AGAP1: variants seen among roughly 807,000 people sequenced by gnomAD.
AGAP1 encodes the protein ArfGAP with GTPase domain, ankyrin repeat and PH domain 1.
In AGAP1, 29 loss-of-function variants were observed where a neutral mutation model predicts 105.3. The ratio of observed to expected loss-of-function variants is 0.28; its 90% CI spans 0.21 to 0.38. The LOEUF is 0.38. AGAP1 is among the 10% of genes least tolerant of loss of function. The probability of loss-of-function intolerance (pLI) is 1.00; values close to 1 mark genes in which losing one functional copy is unlikely to be tolerated. For synonymous variants in AGAP1, 509 were observed against 485.9 expected (o/e 1.05, Z -0.63); for missense variants, 998 against 1,165.1 (o/e 0.86, Z 2.09).
rs1214977755 is a variant in AGAP1, at chr2:236,040,596, C to G, written c.1801-155C>G. The G allele has an allele frequency of 4.8e-6, 1 of 206,568 alleles. No homozygotes were observed. Among genetic ancestry groups the G allele is most frequent in the East Asian group, 1.7e-4 (1 of 5,856 alleles). The allele number at this position is 206,568 out of a possible 1,614,324, so 12.8% of individuals were successfully genotyped here. A position where few individuals can be genotyped will look rare whatever the true frequency, so the allele number is the denominator to read the frequency against. On this transcript the variant is annotated intron_variant, in intron 14 of 17. Transcript: ENST00000304032. This position sits in a 1 kb window ranked among gnomAD's most constrained non-coding sequence, Gnocchi z 5.6. Reference sequence around the variant, plus strand: ...TGATGATTTCTTCTTCAGTTATGCTCTTTCCCAAAGACATCAAAACAAGAG... The same window carrying G: ...TGATGATTTCTTCTTCAGTTATGCTGTTTCCCAAAGACATCAAAACAAGAG...
Position 235,967,333 on chromosome 2 carries a change from CT to C in AGAP1, c.1484-1128del, listed in dbSNP as rs2054444632. ...CTATTTTAAATGACACCCCCCATCA[CT>C]GCCGCCTCTCCCCAGCCTCCCAGCC... is the stretch of plus-strand genomic sequence containing the variant. On this transcript the variant is annotated intron_variant, in intron 12 of 17. Transcript: ENST00000304032. The surrounding 1 kb of genome is among the most constrained non-coding windows in gnomAD (Gnocchi z 4.7). Among the ~76,000 whole-genome samples the C allele has an allele frequency of 6.6e-6, 1 of 152,220 alleles. No individual in the cohort carries two copies. The highest frequency in any genetic ancestry group is 1.5e-5 in the Non-Finnish European group (1 of 68,050).
intron 1 of AGAP1, among the ~76,000 whole-genome samples, chr2:235,593,211 C>T (rs1945409958): frequency 6.6e-6 from 1 of 152,140 alleles, no homozygotes; most frequent in African/African-American, 2.4e-5. Context: ...TTTTCCTGAG[C>T]CCTCAAGGAG....
At position 235,741,666 on chromosome 2, in the gene AGAP1, A is replaced by G. The variant is rs1260762647; in HGVS notation, c.396+618A>G. Among the ~76,000 whole-genome samples the G allele has an allele frequency of 1.3e-5, 2 of 152,040 alleles. No individual in the cohort carries two copies. The highest frequency in any genetic ancestry group is 2.9e-5 in the Non-Finnish European group (2 of 67,998). On this transcript the variant is annotated intron_variant, in intron 4 of 17. Transcript: ENST00000304032. This position sits in a 1 kb window ranked among gnomAD's most constrained non-coding sequence, Gnocchi z 4.9. ...ATTTAACCTGCTTTGTTTTACTTAC[A>G]GCATAATTTACCAGTTAAGCACTTT...
At chr2:235,869,527 G>C (rs1324340403) in intron 9 of AGAP1, among the ~76,000 whole-genome samples, 1 of 151,606 alleles carries the variant, frequency 6.6e-6, no homozygotes, top group Non-Finnish European at 1.5e-5. Context: ...CTTGAACCCA[G>C]GAGGTGGAGG....
chr2:235,814,646 C>T (rs148848767), intron 9 of AGAP1, among the ~76,000 whole-genome samples: 5 of 152,152 alleles, frequency 3.3e-5, no homozygotes, highest in South Asian at 2.1e-4. Flanking sequence ...ACGGGTGTCA[C>T]GCCAAGGAGT....
At chr2:236,049,516 C>A (rs188276197) in intron 16 of AGAP1, 27 of 456,876 alleles carry the variant, frequency 5.9e-5, no homozygotes, top group South Asian at 5.0e-4. Flanking sequence ...TTCTCTCCCC[C>A]CTCTTAGAAA....
rs114366423 is a variant in AGAP1, at chr2:236,059,338, G to T, written c.2114+10057G>T. 4.6e-3 allele frequency among the ~76,000 whole-genome samples: 707 copies of T among 152,208 alleles called. 6 individuals are homozygous for T. The highest frequency in any genetic ancestry group is 0.016 in the African/African-American group (670 of 41,544). Reference sequence around the variant, plus strand: ...TCGAAAGAAATTAAAGAAGACCTAAGTAAATGAAAAGACATCATGTTCACG... The same window carrying T: ...TCGAAAGAAATTAAAGAAGACCTAATTAAATGAAAAGACATCATGTTCACG... On this transcript the variant is annotated intron_variant, in intron 16 of 17. Transcript: ENST00000304032.
Position 235,883,949 on chromosome 2 carries a change from T to C in AGAP1, c.1155+500T>C, listed in dbSNP as rs1348152091. ...CTCTCCTCTTTGTGTTATATGTAAG[T>C]TTATGTTACATATAAGTTTGTTATA... On this transcript the variant is annotated intron_variant, in intron 10 of 17. Transcript: ENST00000304032. The surrounding 1 kb of genome is among the most constrained non-coding windows in gnomAD (Gnocchi z 4.5). 2.0e-5 allele frequency among the ~76,000 whole-genome samples: 3 copies of C among 152,320 alleles called. No homozygotes were observed. Among genetic ancestry groups the C allele is most frequent in the South Asian group, 2.1e-4 (1 of 4,830 alleles).
intron 1 of AGAP1, among the ~76,000 whole-genome samples, chr2:235,589,856 A>C (rs941550011): frequency 1.3e-5 from 2 of 151,726 alleles, no homozygotes; most frequent in Non-Finnish European, 2.9e-5. Flanking sequence ...CTCTTAGGAA[A>C]GGGTTTGGGA....
At chr2:235,694,154 G>A (rs1449497424) in intron 1 of AGAP1, among the ~76,000 whole-genome samples, 1 of 151,824 alleles carries the variant, frequency 6.6e-6, no homozygotes, top group Admixed American at 6.6e-5. Flanking sequence ...GACCAGCCTG[G>A]CCAACATGGT....
At chr2:236,022,777 C>T (rs184989873) in intron 13 of AGAP1, among the ~76,000 whole-genome samples, 3 of 152,238 alleles carry the variant, frequency 2.0e-5, no homozygotes, top group Non-Finnish European at 2.9e-5. Flanking sequence ...TCAAGGGATC[C>T]GCCCCCACCC....
At chr2:235,495,114 C>T (rs1941257674) in intron 1 of AGAP1, among the ~76,000 whole-genome samples, 1 of 152,162 alleles carries the variant, frequency 6.6e-6, no homozygotes, top group African/African-American at 2.4e-5. Context: ...GAAAGTGGCT[C>T]GGTGCCTCCG....
rs1387679943 is a variant in AGAP1 at position 235,589,189 on chromosome 2, GTTTTGTTTTTTTTTTTTT to G, written c.163+94345_163+94362del. Among the ~76,000 whole-genome samples, 67 of 54,942 alleles carry G rather than the reference GTTTTGTTTTTTTTTTTTT, an allele frequency of 1.2e-3. 2 individuals carry two copies. Among genetic ancestry groups the G allele is most frequent in the South Asian group, 3.1e-3 (5 of 1,592 alleles). The allele number at this position is 54,942 out of a possible 152,430, so 36.0% of individuals were successfully genotyped here. On this transcript the variant is annotated intron_variant, in intron 1 of 17. Coordinates refer to ENST00000304032, the MANE Select transcript of AGAP1 (RefSeq NM_001037131.3). ...GAGAACTACCAGTTAATAGCTTATT[GTTTTGTTTTTTTTTTTTT>G]TTTTTTTTTTTTTTTGAGACGGAGT...
At chr2:236,065,647 T>TC (rs1211053718) in intron 16 of AGAP1, among the ~76,000 whole-genome samples, 6 of 152,198 alleles carry the variant, frequency 3.9e-5, no homozygotes, top group African/African-American at 1.4e-4. Context: ...AAATCCTGCT[T>TC]CCTAAGGCAA....
In AGAP1 at chr2:236,020,302, A is replaced by G. The variant is rs546252474; in HGVS notation, c.1646-16259A>G. 6.6e-6 allele frequency among the ~76,000 whole-genome samples: 1 copy of G among 152,358 alleles called. No homozygotes were observed. The highest frequency in any genetic ancestry group is 2.4e-5 in the African/African-American group (1 of 41,582). On this transcript the variant is annotated intron_variant, in intron 13 of 17. Coordinates refer to ENST00000304032, the MANE Select transcript of AGAP1 (RefSeq NM_001037131.3). The surrounding 1 kb of genome is among the most constrained non-coding windows in gnomAD (Gnocchi z 5.0). ...CAGATTCTCTCTGTTTTCAAAGAAA[A>G]TTGCAGTGTTTGAACGTTGTTTATG...
intron 10 of AGAP1, among the ~76,000 whole-genome samples, chr2:235,892,350 C>T (rs1411658938): frequency 6.6e-6 from 1 of 152,128 alleles, no homozygotes; most frequent in Non-Finnish European, 1.5e-5. Context: ...GGCTTGGACT[C>T]TCCTGCAACA....
intron 13 of AGAP1, among the ~76,000 whole-genome samples, chr2:236,026,652 C>G (rs1351102577): frequency 6.6e-6 from 1 of 152,166 alleles, no homozygotes. Context: ...TCACTTGAAC[C>G]TGGGAGGGGG....
intron 16 of AGAP1, among the ~76,000 whole-genome samples, chr2:236,098,120 A>T (rs962241252): frequency 6.6e-6 from 1 of 152,162 alleles, no homozygotes; most frequent in African/African-American, 2.4e-5. Context: ...CATTTTAGCT[A>T]TTGTGAATAA....
chr2:236,067,197 A>AC (rs1407677235), intron 16 of AGAP1, among the ~76,000 whole-genome samples: 1 of 151,946 alleles, frequency 6.6e-6, no homozygotes, highest in African/African-American at 2.4e-5. Context: ...GTTCACCCTC[A>AC]CTGTGCCTCA....
Sources: gnomAD v4.1 joint callset for allele counts (sites outside exome capture counted in the v4.1 genomes callset) on GRCh38, gnomAD v4.1.1 for gene constraint, Gnocchi (gnomAD v3.1) non-coding constraint, MANE v1.5 for transcripts, NCBI Gene and HGNC (gene_info 2026-07-23, HGNC 2026-07-21) for gene names.